Variants in SPAG16 observed in about 807,000 individuals in gnomAD.
The protein encoded by SPAG16 is sperm-associated antigen 16 protein.
A neutral mutation model predicts 80.4 loss-of-function variants in SPAG16; 86 were observed. The ratio of observed to expected loss-of-function variants is 1.07; its 90% CI spans 0.90 to 1.28. The LOEUF (loss-of-function observed/expected upper bound fraction) is 1.28, where lower values mean the gene tolerates loss of function less well. SPAG16 is among the 50% of genes most tolerant of loss of function. The pLI is 0.00. For synonymous variants in SPAG16, 294 were observed against 265.9 expected, an observed-to-expected ratio of 1.11 and a Z score of -1.03; for missense variants, 870 against 765.3, an observed-to-expected ratio of 1.14 and a Z score of -1.61.
chr2:213,924,881 T>TA, intron 11 of SPAG16, among the ~76,000 whole-genome samples: 1 of 152,162 alleles, frequency 6.6e-6, no homozygotes, highest in Admixed American at 6.5e-5. Flanking sequence ...TTTCTATTTG[T>TA]ATCATTTATT....
chr2:213,369,088 C>A (rs6752347), intron 8 of SPAG16, among the ~76,000 whole-genome samples: 148,405 of 152,302 alleles, frequency 0.97, 72,414 homozygotes, highest in East Asian at 1. Context: ...AGTGTGGAAA[C>A]AATTTTAATT....
chr2:214,111,478 C>T (rs1210725360), intron 14 of SPAG16, among the ~76,000 whole-genome samples: 3 of 152,098 alleles, frequency 2.0e-5, no homozygotes, highest in Non-Finnish European at 4.4e-5. Flanking sequence ...CTGTTCTGTT[C>T]CATTGGTCTA....
chr2:213,495,393 T>C (rs2074437607), intron 10 of SPAG16, among the ~76,000 whole-genome samples: 1 of 152,248 alleles, frequency 6.6e-6, no homozygotes, highest in African/African-American at 2.4e-5. Flanking sequence ...TCTTCCAGAC[T>C]AATGAGCTAT....
At chr2:213,730,875 C>T (rs2067000281) in intron 10 of SPAG16, among the ~76,000 whole-genome samples, 1 of 152,124 alleles carries the variant, frequency 6.6e-6, no homozygotes, top group African/African-American at 2.4e-5. Flanking sequence ...TTGTTTGTTA[C>T]TTTGCACTTC....
At chr2:213,316,254 G>A (rs995072362) in intron 4 of SPAG16, among the ~76,000 whole-genome samples, 2 of 151,920 alleles carry the variant, frequency 1.3e-5, no homozygotes, top group African/African-American at 4.8e-5. Flanking sequence ...CCCTGGAGTC[G>A]CACTTGCCTT....
At chr2:213,710,640 A>G (rs972752970) in intron 10 of SPAG16, among the ~76,000 whole-genome samples, 1 of 152,218 alleles carries the variant, frequency 6.6e-6, no homozygotes, top group African/African-American at 2.4e-5. Context: ...CTTTAGTAAC[A>G]TGGCTTTTCC....
intron 14 of SPAG16, among the ~76,000 whole-genome samples, chr2:214,113,866 C>T (rs2053800001): frequency 6.6e-6 from 1 of 152,202 alleles, no homozygotes; most frequent in African/African-American, 2.4e-5. Context: ...TGTTCCATTG[C>T]TGGTGAGGAG....
intron 15 of SPAG16, among the ~76,000 whole-genome samples, chr2:214,404,467 T>C (rs1421276068): frequency 6.6e-6 from 1 of 152,160 alleles, no homozygotes; most frequent in African/African-American, 2.4e-5. Context: ...TCTGTTTATA[T>C]TTGTGGTATT....
chr2:213,618,313 T>C (rs960960350), intron 10 of SPAG16, among the ~76,000 whole-genome samples: 3 of 152,212 alleles, frequency 2.0e-5, no homozygotes, highest in Admixed American at 6.5e-5. Flanking sequence ...CCCTGCCTTC[T>C]ACTCTATCCT....
At chr2:213,467,011 A>G (rs2072734506) in intron 9 of SPAG16, among the ~76,000 whole-genome samples, 1 of 152,222 alleles carries the variant, frequency 6.6e-6, no homozygotes, top group Admixed American at 6.5e-5. Context: ...TTGAGTTAGC[A>G]AAGTATAGGG....
chr2:213,746,300 A>C (rs180744776), intron 10 of SPAG16, among the ~76,000 whole-genome samples: 48 of 152,346 alleles, frequency 3.2e-4, no homozygotes, highest in Non-Finnish European at 1.3e-4. Flanking sequence ...TACTCTCTGA[A>C]AAACTATGTT....
At chr2:214,198,792 C>T (rs997561020) in intron 15 of SPAG16, among the ~76,000 whole-genome samples, 3 of 151,966 alleles carry the variant, frequency 2.0e-5, no homozygotes, top group Admixed American at 6.6e-5. Context: ...TAATTATGGC[C>T]ATTCTTGCAG....
At chr2:213,588,274 T>G (rs1169724727) in intron 10 of SPAG16, among the ~76,000 whole-genome samples, 1 of 152,188 alleles carries the variant, frequency 6.6e-6, no homozygotes, top group African/African-American at 2.4e-5. Flanking sequence ...AACAGAGCAT[T>G]TATATGTTGT....
At chr2:213,908,351 G>C (rs927047507) in intron 11 of SPAG16, among the ~76,000 whole-genome samples, 3 of 152,082 alleles carry the variant, frequency 2.0e-5, no homozygotes, top group Admixed American at 2.0e-4. Context: ...GCCCTGTTTG[G>C]GGCATTTAAA....
intron 10 of SPAG16, among the ~76,000 whole-genome samples, chr2:213,760,896 C>A (rs886091555): frequency 9.9e-5 from 15 of 152,168 alleles, no homozygotes; most frequent in African/African-American, 3.6e-4. Flanking sequence ...AGACAGACAT[C>A]AGGGGCTGAA....
chr2:214,391,811 G>A (rs1701096680), intron 15 of SPAG16, among the ~76,000 whole-genome samples: 1 of 152,180 alleles, frequency 6.6e-6, no homozygotes, highest in South Asian at 2.1e-4. Flanking sequence ...ATTGTATAAA[G>A]AGCATTCTAA....
chr2:213,910,833 C>A (rs1246003946), intron 11 of SPAG16, among the ~76,000 whole-genome samples: 1 of 152,106 alleles, frequency 6.6e-6, no homozygotes, highest in Non-Finnish European at 1.5e-5. Flanking sequence ...AAAAGTATAT[C>A]AACCAGAATT....
intron 15 of SPAG16, among the ~76,000 whole-genome samples, chr2:214,245,830 A>C (rs1359394200): frequency 6.6e-6 from 1 of 152,154 alleles, no homozygotes; most frequent in Non-Finnish European, 1.5e-5. Flanking sequence ...TAAGCAGAGG[A>C]ATTTTTTTAA....
chr2:213,945,301 ACAAGTATAT>A (rs2079397555), intron 12 of SPAG16, among the ~76,000 whole-genome samples: 1 of 146,186 alleles, frequency 6.8e-6, no homozygotes. Flanking sequence ...ATATATATAC[ACAAGTATAT>A]ATATGTGTGT....
Sources: gnomAD v4.1 joint callset for allele counts (sites outside exome capture counted in the v4.1 genomes callset) on GRCh38, gnomAD v4.1.1 for gene constraint, MANE v1.5 for transcripts, NCBI Gene and HGNC (gene_info 2026-07-23, HGNC 2026-07-21) for gene names.